Variants in SCYL2 observed in about 807,000 individuals in gnomAD.
SCYL2 encodes the protein SCY1-like protein 2.
In SCYL2, 36 loss-of-function variants were observed where a neutral mutation model predicts 100.4. The ratio of observed to expected loss-of-function variants is 0.36; its 90% CI spans 0.27 to 0.47. The LOEUF (loss-of-function observed/expected upper bound fraction) is 0.47, where lower values mean the gene tolerates loss of function less well. Among genes scored for constraint, SCYL2 ranks in the 20% least tolerant of loss-of-function variants. The pLI is 1.00. For synonymous variants in SCYL2, 330 were observed against 359.2 expected, an observed-to-expected ratio of 0.92 and a Z score of 0.92; for missense variants, 902 against 1,083.9, an observed-to-expected ratio of 0.83 and a Z score of 2.36.
At chr12:100,294,023 C>T (rs879926462) in intron 3 of SCYL2, among the ~76,000 whole-genome samples, 243 of 151,502 alleles carry the variant, frequency 1.6e-3, no homozygotes, top group Non-Finnish European at 2.6e-3. Context: ...CATCCTGGCC[C>T]GTTCTCAATG....
chr12:100,294,427 G>T (rs1352503970), intron 3 of SCYL2, among the ~76,000 whole-genome samples: 1 of 112,574 alleles, frequency 8.9e-6, no homozygotes, highest in African/African-American at 3.5e-5. Flanking sequence ...TGGCCGGGCG[G>T]GGGGGCTCCT....
intron 10 of SCYL2, among the ~76,000 whole-genome samples, chr12:100,318,814 A>G (rs1414430345): frequency 6.6e-6 from 1 of 152,214 alleles, no homozygotes; most frequent in African/African-American, 2.4e-5. Context: ...TAATGCATGT[A>G]TAGTTATAAC....
chr12:100,328,092 A>G (rs1952158203), intron 12 of SCYL2, among the ~76,000 whole-genome samples: 1 of 152,124 alleles, frequency 6.6e-6, no homozygotes. Flanking sequence ...AGCCTGAGCA[A>G]CATGGCAAAA....
intron 2 of SCYL2, among the ~76,000 whole-genome samples, chr12:100,288,700 GGTGGTGTGTGGCT>G (rs1357329451): frequency 3.9e-5 from 6 of 152,028 alleles, no homozygotes; most frequent in Non-Finnish European, 8.8e-5. Context: ...TGCTGGGCAT[GGTGGTGTGTGGCT>G]GTGGTCCCAG....
intron 2 of SCYL2, among the ~76,000 whole-genome samples, chr12:100,286,811 A>C (rs2096304957): frequency 1.3e-5 from 2 of 151,746 alleles, no homozygotes; most frequent in Admixed American, 1.3e-4. Context: ...TAGAATAATT[A>C]ATAGTTTTAA....
Position 100,339,180 on chromosome 12 carries a change from T to TA in SCYL2, c.*9dup. On this transcript the variant is annotated 3_prime_UTR_variant, in exon 18 of 18. Coordinates refer to ENST00000360820, the MANE Select transcript of SCYL2 (RefSeq NM_017988.6). ...AAAGATCTTTTTGGGTGAGGTGTCT[T>TA]ACTTCTATTTTGAAGGATTATTTCA... is the stretch of plus-strand genomic sequence containing the variant. 2 of 1,605,234 alleles carry TA rather than the reference T, an allele frequency of 1.2e-6. No individual in the cohort carries two copies. Among genetic ancestry groups the TA allele is most frequent in the Non-Finnish European group, 1.7e-6 (2 of 1,176,338 alleles).
At chr12:100,283,894 GT>G (rs2096301635) in intron 2 of SCYL2, among the ~76,000 whole-genome samples, 1 of 152,184 alleles carries the variant, frequency 6.6e-6, no homozygotes. Flanking sequence ...CCATTTGGAA[GT>G]CTTTACTGAA....
chr12:100,272,971 T>C (rs549476850), intron 1 of SCYL2, among the ~76,000 whole-genome samples: 4 of 152,320 alleles, frequency 2.6e-5, no homozygotes, highest in Admixed American at 6.5e-5. Context: ...CTTGACCATA[T>C]TTCCTTTATT....
chr12:100,288,120 A>G (rs1260704518), intron 2 of SCYL2, among the ~76,000 whole-genome samples: 1 of 152,212 alleles, frequency 6.6e-6, no homozygotes. Flanking sequence ...TAATAGTTTT[A>G]TTTTAGGAAG....
At position 100,341,427 on chromosome 12, in the gene SCYL2, C is replaced by G. The variant is rs926614574; in HGVS notation, c.*2255C>G. The stretch of plus-strand genomic sequence containing the variant: ...GTCAACAGAATCTACAAAAAAGATT[C>G]CCTTGCATTTGAATTAGTTCTCTAT... On this transcript the variant is annotated 3_prime_UTR_variant, in exon 18 of 18. Transcript: ENST00000360820. 1 of 152,054 alleles carries G rather than the reference C, an allele frequency of 6.6e-6. No individual in the cohort carries two copies. Among genetic ancestry groups the G allele is most frequent in the Non-Finnish European group, 1.5e-5 (1 of 67,988 alleles). The allele number at this position is 152,054 out of a possible 1,614,324, so 9.4% of individuals were successfully genotyped here.
chr12:100,307,880 T>C (rs1472725826), intron 4 of SCYL2, among the ~76,000 whole-genome samples: 1 of 151,986 alleles, frequency 6.6e-6, no homozygotes, highest in African/African-American at 2.4e-5. Flanking sequence ...AACAAACATA[T>C]GAAAAAAAGC....
intron 4 of SCYL2, among the ~76,000 whole-genome samples, chr12:100,300,695 A>G (rs78285518): frequency 6.6e-6 from 1 of 152,054 alleles, no homozygotes; most frequent in Admixed American, 6.6e-5. Flanking sequence ...CTCCATCTCC[A>G]TGAGTTCAAT....
rs1030270417 is a variant in SCYL2 at position 100,271,279 on chromosome 12, A to G, written c.-29+3487A>G. Among the ~76,000 whole-genome samples, 7 of 151,060 alleles carry G rather than the reference A, an allele frequency of 4.6e-5. No individual in the cohort carries two copies. In the East Asian group the frequency reaches 5.8e-4, roughly 13 times the overall value. ...GAGCAGCAAAAAAAAAAAAAAAAAA[A>G]AAAGAGAGAGAGAATATATCTTAAG... On this transcript the variant is annotated intron_variant, in intron 1 of 17. Transcript: ENST00000360820.
chr12:100,320,942 TCTGTTGC>T (rs2096355116), intron 10 of SCYL2, among the ~76,000 whole-genome samples: 2 of 152,176 alleles, frequency 1.3e-5, no homozygotes, highest in Admixed American at 1.3e-4. Context: ...AGGCTTTCAC[TCTGTTGC>T]CCAGGCTTGA....
In SCYL2 at chr12:100,339,917, A is replaced by G. The variant is rs929347915; in HGVS notation, c.*745A>G. The G allele has an allele frequency of 6.6e-6, 1 of 152,522 alleles. No homozygotes were observed. Among genetic ancestry groups the G allele is most frequent in the Non-Finnish European group, 1.5e-5 (1 of 68,008 alleles). The allele number at this position is 152,522 out of a possible 1,614,324, so 9.4% of individuals were successfully genotyped here. On this transcript the variant is annotated 3_prime_UTR_variant, in exon 18 of 18. Coordinates refer to ENST00000360820, the MANE Select transcript of SCYL2 (RefSeq NM_017988.6). ...CACTTTTTTCCTCCTGTATCAAGGA[A>G]GAGGTATGTGCTGATTTGTTTGGAT...
chr12:100,288,020 G>A (rs962312657), intron 2 of SCYL2, among the ~76,000 whole-genome samples: 21 of 152,166 alleles, frequency 1.4e-4, no homozygotes, highest in African/African-American at 4.8e-4. Context: ...CATAAATGAT[G>A]TGTGTTAGCA....
At chr12:100,298,624 A>C (rs1173207378) in intron 4 of SCYL2, among the ~76,000 whole-genome samples, 1 of 148,814 alleles carries the variant, frequency 6.7e-6, no homozygotes, top group Non-Finnish European at 1.5e-5. Flanking sequence ...ATCTCAGCTC[A>C]CTGCAACCTC....
rs543867602 is a variant in SCYL2 at position 100,315,703 on chromosome 12, G to C, written c.1241G>C (p.Gly414Ala). 1.9e-5 allele frequency: 30 copies of C among 1,610,074 alleles called. 1 individual carries two copies. In the South Asian group the frequency reaches 3.2e-4, roughly 17 times the overall value. Reference sequence around the variant, plus strand: ...GTCAAATTAATTCTTCCTGAACTTGGCCCTGTGTTTAAGCAGCAGGAGCCA... The same window carrying C: ...GTCAAATTAATTCTTCCTGAACTTGCCCCTGTGTTTAAGCAGCAGGAGCCA... ...EYVKLILPEL[G>A]PVFKQQEPIQ... The change falls in exon 9 of 18, where the codon GGC (glycine) becomes GCC (alanine). Residue 414 changes from glycine (G) to alanine (A), a missense_variant. Coordinates refer to ENST00000360820, the MANE Select transcript of SCYL2 (RefSeq NM_017988.6).
At chr12:100,294,391 C>T (rs557973462) in intron 3 of SCYL2, among the ~76,000 whole-genome samples, 2 of 123,030 alleles carry the variant, frequency 1.6e-5, no homozygotes, top group East Asian at 2.5e-4. Flanking sequence ...GGCTGACCCC[C>T]CCACCTCCCT....
Sources: gnomAD v4.1 joint callset for allele counts (sites outside exome capture counted in the v4.1 genomes callset) on GRCh38, gnomAD v4.1.1 for gene constraint, MANE v1.5 for transcripts, NCBI Gene and HGNC (gene_info 2026-07-23, HGNC 2026-07-21) for gene names.